LRRIQ1: variants seen among roughly 807,000 people sequenced by gnomAD.
LRRIQ1 encodes leucine rich repeats and IQ motif containing 1.
A neutral mutation model predicts 211.9 loss-of-function variants in LRRIQ1; 210 were observed. The observed-to-expected ratio is 0.99, with a 90% CI of 0.89 to 1.11. The LOEUF (loss-of-function observed/expected upper bound fraction) is 1.11. Ranked by LOEUF, LRRIQ1 falls within the 50% of genes most tolerant of loss-of-function variation. The pLI is 0.00. For missense variants in LRRIQ1, 2,136 were observed against 1,939.5 expected (o/e 1.10, Z -1.90); for synonymous variants, 699 against 650.1 (o/e 1.08, Z -1.14).
At chr12:85,097,404 C>T (rs1411547549) in intron 11 of LRRIQ1, among the ~76,000 whole-genome samples, 2 of 151,622 alleles carry the variant, frequency 1.3e-5, no homozygotes, top group African/African-American at 4.8e-5. Flanking sequence ...CAGTGCCCTC[C>T]CCCCTCACCC....
At chr12:85,266,947 C>T (rs796281584), downstream of LRRIQ1, among the ~76,000 whole-genome samples, 7 of 152,130 alleles carry the variant, frequency 4.6e-5, 1 homozygote, top group African/African-American at 1.7e-4. Context: ...CATAGCACTC[C>T]TACATTTTAG....
At chr12:85,237,844 A>G (rs1334823661) in intron 26 of LRRIQ1, among the ~76,000 whole-genome samples, 1 of 152,158 alleles carries the variant, frequency 6.6e-6, no homozygotes, top group Non-Finnish European at 1.5e-5. Context: ...GATGCTAACA[A>G]AATCTACAGA....
At chr12:85,081,072 A>G (rs1884232363) in intron 11 of LRRIQ1, among the ~76,000 whole-genome samples, 1 of 152,034 alleles carries the variant, frequency 6.6e-6, no homozygotes, top group Non-Finnish European at 1.5e-5. Context: ...CTGTATTTGA[A>G]TGATTCTTAC....
chr12:85,265,267 T>G (rs1896396520), downstream of LRRIQ1, among the ~76,000 whole-genome samples: 1 of 152,070 alleles, frequency 6.6e-6, no homozygotes, highest in South Asian at 2.1e-4. Flanking sequence ...CTTAAAGTAG[T>G]ATTCATTATT....
chr12:85,141,579 C>CT (rs34401786), intron 19 of LRRIQ1, among the ~76,000 whole-genome samples: 73,943 of 132,632 alleles, frequency 0.56, 21,154 homozygotes, highest in African/African-American at 0.71. Context: ...CCTACAGCAG[C>CT]TTTTTTTTTT....
At chr12:85,122,672 T>G (rs780504609) in intron 16 of LRRIQ1, among the ~76,000 whole-genome samples, 1 of 152,114 alleles carries the variant, frequency 6.6e-6, no homozygotes, top group Non-Finnish European at 1.5e-5. Context: ...GCTTGTCCTA[T>G]GTAAAAGTTC....
Position 85,195,968 on chromosome 12 carries a change from T to A in LRRIQ1, c.4823-33549T>A, listed in dbSNP as rs1331709621. Among the ~76,000 whole-genome samples, 3 of 152,034 alleles carry A rather than the reference T, an allele frequency of 2.0e-5. No homozygotes were observed. In the East Asian group the frequency reaches 5.8e-4, roughly 30 times the overall value. On this transcript the variant is annotated intron_variant, in intron 24 of 26. Coordinates refer to ENST00000393217, the MANE Select transcript of LRRIQ1 (RefSeq NM_001079910.2). ...AAATCTCCTTAAGCTGATAAGCAAC[T>A]TCAGCGAAGTCTCAGGATACAAAAT...
intron 11 of LRRIQ1, among the ~76,000 whole-genome samples, chr12:85,079,462 G>A (rs2642536): frequency 0.62 from 93,999 of 151,286 alleles, 31,839 homozygotes; most frequent in African/African-American, 0.91. Flanking sequence ...TGACCTTGGG[G>A]TCCGCCTGCC....
Position 85,228,171 on chromosome 12 carries a change from T to C in LRRIQ1, c.4823-1346T>C, listed in dbSNP as rs548676795. On this transcript the variant is annotated intron_variant, in intron 24 of 26. Transcript: ENST00000393217. ...GGCAACAAAAGCCAAAATTGACCAA[T>C]GGGATCTAATTAAACTAAACAGCTT... 2.2e-4 allele frequency among the ~76,000 whole-genome samples: 33 copies of C among 152,240 alleles called. 1 individual carries two copies. The South Asian group carries it at 6.0e-3, about 28-fold the overall frequency.
chr12:85,176,749 T>TA (rs59571527), intron 24 of LRRIQ1, among the ~76,000 whole-genome samples: 13 of 151,188 alleles, frequency 8.6e-5, no homozygotes, highest in East Asian at 5.9e-4. Flanking sequence ...TAATAAAAAA[T>TA]AAAAAAAAAT....
At chr12:85,073,195 T>C (rs970364208) in intron 11 of LRRIQ1, 97 bp downstream of exon 11, 12 of 736,600 alleles carry the variant, frequency 1.6e-5, no homozygotes, top group African/African-American at 3.7e-5. Flanking sequence ...ATCTCCTTTA[T>C]TTTTTTAAAT....
intron 17 of LRRIQ1, among the ~76,000 whole-genome samples, 166 bp from the exon 18 acceptor site, chr12:85,127,666 C>T (rs1041628251): frequency 6.6e-6 from 1 of 152,174 alleles, no homozygotes; most frequent in Non-Finnish European, 1.5e-5. Flanking sequence ...GGTTTTCTTA[C>T]TATTTTTACT....
the LRRIQ1 span, among the ~76,000 whole-genome samples, chr12:85,270,211 T>C: frequency 2.0e-5 from 3 of 152,112 alleles, no homozygotes; most frequent in Non-Finnish European, 2.9e-5. Context: ...ATATTTCTAA[T>C]AAACTTTTAA....
intron 1 of LRRIQ1, among the ~76,000 whole-genome samples, chr12:85,255,008 A>G (rs1200815879): frequency 1.3e-5 from 2 of 151,868 alleles, no homozygotes; most frequent in African/African-American, 4.8e-5. Context: ...ATAATTTTCT[A>G]TATATAGAAA....
At chr12:85,051,172 C>CCT (rs148108462) in intron 6 of LRRIQ1, among the ~76,000 whole-genome samples, 1,986 of 147,400 alleles carry the variant, frequency 0.013, 27 homozygotes, top group African/African-American at 0.034. Flanking sequence ...AGCACTTTCT[C>CCT]CTCTCTCTCT....
At chr12:85,190,041 C>A (rs1785640073) in intron 24 of LRRIQ1, among the ~76,000 whole-genome samples, 2 of 138,854 alleles carry the variant, frequency 1.4e-5, no homozygotes, top group African/African-American at 2.6e-5. Context: ...TAATATATAA[C>A]CTATATAACA....
intron 19 of LRRIQ1, among the ~76,000 whole-genome samples, chr12:85,149,456 G>A (rs1419213566): frequency 6.6e-6 from 1 of 151,882 alleles, no homozygotes; most frequent in Admixed American, 6.6e-5. Context: ...AAATCAGATG[G>A]TTGTAGATGT....
At chr12:85,268,321 A>T (rs1428725219), downstream of LRRIQ1, among the ~76,000 whole-genome samples, 1 of 151,916 alleles carries the variant, frequency 6.6e-6, no homozygotes, top group Non-Finnish European at 1.5e-5. Flanking sequence ...TAGCATGTTA[A>T]CTTATTTTTT....
chr12:85,044,825 TTGAC>T lies in LRRIQ1; in HGVS notation c.336+18_336+21del. ...ATTAATTAAGGTATATATTCAATAT[TTGAC>T]TTAAAATATTCACTATTACAATTAG... is the stretch of plus-strand genomic sequence containing the variant. On this transcript the variant is annotated intron_variant, in intron 4 of 26. Transcript: ENST00000393217. 2.5e-6 allele frequency: 3 copies of T among 1,209,822 alleles called. No homozygotes were observed. The highest frequency in any genetic ancestry group is 3.6e-6 in the Non-Finnish European group (3 of 841,886). The allele number at this position is 1,209,822 out of a possible 1,614,324, so 74.9% of individuals were successfully genotyped here.
Sources: gnomAD v4.1 joint callset for allele counts (sites outside exome capture counted in the v4.1 genomes callset) on GRCh38, gnomAD v4.1.1 for gene constraint, MANE v1.5 for transcripts, NCBI Gene and HGNC (gene_info 2026-07-23, HGNC 2026-07-21) for gene names.